PCDH15: variants seen among roughly 807,000 people sequenced by gnomAD.
PCDH15 encodes the protein protocadherin-15.
Under a neutral mutation model 178.5 loss-of-function variants are expected in PCDH15, and 129 were observed. The ratio of observed to expected loss-of-function variants is 0.72; its 90% CI spans 0.63 to 0.84. The LOEUF (loss-of-function observed/expected upper bound fraction) is 0.84, where lower values mean the gene tolerates loss of function less well. Ranked by LOEUF, PCDH15 falls within the 40% of genes least tolerant of loss-of-function variation. The pLI is 0.00. For missense variants in PCDH15, 2,230 were observed against 2,099.9 expected (o/e 1.06, Z -1.21); for synonymous variants, 800 against 732.0 (o/e 1.09, Z -1.50).
At chr10:55,067,109 T>C (rs1044684286) in intron 2 of PCDH15, among the ~76,000 whole-genome samples, 4 of 151,944 alleles carry the variant, frequency 2.6e-5, no homozygotes, top group African/African-American at 9.7e-5. Context: ...GAGGATATAA[T>C]AAAAAGATGG....
intron 1 of PCDH15, among the ~76,000 whole-genome samples, chr10:55,273,094 A>G (rs561825251): frequency 6.6e-6 from 1 of 152,190 alleles, no homozygotes; most frequent in South Asian, 2.1e-4. Flanking sequence ...TTGAATGAAA[A>G]ACTGTGAAAG....
intron 3 of PCDH15, among the ~76,000 whole-genome samples, chr10:54,494,872 G>A (rs1347122357): frequency 6.6e-6 from 1 of 151,960 alleles, no homozygotes; most frequent in Non-Finnish European, 1.5e-5. Context: ...GTCTTGGTGG[G>A]GTTGAATCCA....
chr10:54,226,119 G>C (rs1591289693), intron 9 of PCDH15, among the ~76,000 whole-genome samples: 1 of 152,276 alleles, frequency 6.6e-6, no homozygotes, highest in Admixed American at 6.5e-5. Flanking sequence ...CTGGTGAAAA[G>C]ACATACCCAA....
At chr10:54,653,681 C>T (rs2094312847) in intron 2 of PCDH15, among the ~76,000 whole-genome samples, 1 of 152,268 alleles carries the variant, frequency 6.6e-6, no homozygotes, top group Non-Finnish European at 1.5e-5. Context: ...ATCATCATTG[C>T]TGCAAACGGA....
chr10:54,858,855 G>C (rs1185886345), intron 3 of PCDH15, among the ~76,000 whole-genome samples: 1 of 151,916 alleles, frequency 6.6e-6, no homozygotes, highest in Non-Finnish European at 1.5e-5. Flanking sequence ...GATTAGAGTA[G>C]CTTATTTGAA....
At chr10:54,249,775 G>T (rs1046930198) in intron 8 of PCDH15, among the ~76,000 whole-genome samples, 8 of 151,298 alleles carry the variant, frequency 5.3e-5, no homozygotes, top group Non-Finnish European at 1.0e-4. Context: ...TTTTTTATAT[G>T]TAATGTTTCA....
At chr10:54,675,460 G>GT (rs34250846) in intron 1 of PCDH15, among the ~76,000 whole-genome samples, 4,809 of 118,136 alleles carry the variant, frequency 0.041, 177 homozygotes, top group African/African-American at 0.11. Flanking sequence ...TTTTCATGTT[G>GT]TTTTTTTTTT....
At chr10:53,825,998 AATTC>A (rs991410904) in intron 32 of PCDH15, among the ~76,000 whole-genome samples, 1 of 151,652 alleles carries the variant, frequency 6.6e-6, no homozygotes, top group Non-Finnish European at 1.5e-5. Context: ...ATGAATACAT[AATTC>A]ATTAATTTCA....
intron 2 of PCDH15, among the ~76,000 whole-genome samples, chr10:55,065,138 A>G (rs1378452560): frequency 6.6e-6 from 1 of 152,018 alleles, no homozygotes. Flanking sequence ...TAGAAGACAA[A>G]TAATGTCACT....
In PCDH15 at chr10:55,070,674, C is replaced by T. The variant is rs1841713360; in HGVS notation, c.-80+95902G>A. On this transcript the variant is annotated intron_variant, in intron 2 of 5. Transcript: ENST00000458638. ...TACCAGTACCATGCTGTTTTGGTTA[C>T]TGTAGCCTTGTAGTATAGTTTGAAG... 3.9e-5 allele frequency among the ~76,000 whole-genome samples: 6 copies of T among 152,146 alleles called. No individual in the cohort carries two copies. The South Asian group carries it at 1.0e-3, about 26-fold the overall frequency.
chr10:54,762,264 A>G (rs754658368), intron 1 of PCDH15, among the ~76,000 whole-genome samples: 3 of 152,174 alleles, frequency 2.0e-5, no homozygotes, highest in Non-Finnish European at 4.4e-5. Flanking sequence ...ATTTACATAT[A>G]AATACTTCAA....
chr10:55,258,929 C>A (rs988078457), intron 1 of PCDH15, among the ~76,000 whole-genome samples: 1 of 151,956 alleles, frequency 6.6e-6, no homozygotes, highest in Non-Finnish European at 1.5e-5. Flanking sequence ...AATGAGATGT[C>A]CCTCATTTGT....
At chr10:55,553,600 C>T (rs1842038420) in intron 2 of PCDH15, among the ~76,000 whole-genome samples, 1 of 151,844 alleles carries the variant, frequency 6.6e-6, no homozygotes, top group Non-Finnish European at 1.5e-5. Flanking sequence ...CTGAATTTGA[C>T]TTTCTCAGCC....
chr10:55,450,827 C>G (rs1006088035), intron 2 of PCDH15, among the ~76,000 whole-genome samples: 1 of 151,886 alleles, frequency 6.6e-6, no homozygotes, highest in Non-Finnish European at 1.5e-5. Flanking sequence ...TCCAGCTAAG[C>G]AATCTCCCAT....
intron 2 of PCDH15, among the ~76,000 whole-genome samples, chr10:54,918,897 T>A (rs569658019): frequency 6.6e-6 from 1 of 152,270 alleles, no homozygotes; most frequent in Non-Finnish European, 1.5e-5. Context: ...CCAAACATCA[T>A]AAGTGAGCCT....
chr10:54,000,186 A>G (rs568446100), intron 20 of PCDH15, among the ~76,000 whole-genome samples: 20 of 152,296 alleles, frequency 1.3e-4, no homozygotes, highest in African/African-American at 4.8e-4. Context: ...ATCCTTTCAA[A>G]TACCTGAAAA....
intron 2 of PCDH15, among the ~76,000 whole-genome samples, chr10:54,564,675 T>C (rs1209945885): frequency 6.6e-6 from 1 of 152,126 alleles, no homozygotes; most frequent in Non-Finnish European, 1.5e-5. Flanking sequence ...CAGGTATCAA[T>C]ATAACTCAGA....
At chr10:53,963,049 TGAA>T (rs768996115) in intron 21 of PCDH15, among the ~76,000 whole-genome samples, 5 of 152,342 alleles carry the variant, frequency 3.3e-5, no homozygotes, top group African/African-American at 9.6e-5. Context: ...ATTATTCTGA[TGAA>T]GAAGAAGTAA....
chr10:55,393,812 T>C (rs1408452338), intron 2 of PCDH15, among the ~76,000 whole-genome samples: 1 of 152,124 alleles, frequency 6.6e-6, no homozygotes, highest in Admixed American at 6.6e-5. Context: ...CAGCAACTCA[T>C]AGAAGCTGTG....
Sources: gnomAD v4.1 joint callset for allele counts (sites outside exome capture counted in the v4.1 genomes callset) on GRCh38, gnomAD v4.1.1 for gene constraint, MANE v1.5 for transcripts, NCBI Gene and HGNC (gene_info 2026-07-23, HGNC 2026-07-21) for gene names.